C1orf105: variants seen among roughly 807,000 people sequenced by gnomAD.
The protein encoded by C1orf105 is chromosome 1 open reading frame 105, also known as uncharacterized protein C1orf105.
In C1orf105, 17 loss-of-function variants were observed where a neutral mutation model predicts 20.8. The observed-to-expected ratio is 0.82, with a 90% CI of 0.56 to 1.23. C1orf105 has a LOEUF of 1.23. Among genes scored for constraint, C1orf105 ranks in the 50% most tolerant of loss-of-function variants. The pLI, the probability that C1orf105 is intolerant of heterozygous loss-of-function variation, is 0.00. For synonymous variants in C1orf105, 72 were observed against 72.1 expected, an observed-to-expected ratio of 1.00 and a Z score of 0.01; for missense variants, 219 against 213.5, an observed-to-expected ratio of 1.03 and a Z score of -0.16.
chr1:172,446,996 C>T (rs1343423856), intron 2 of C1orf105, among the ~76,000 whole-genome samples: 2 of 152,088 alleles, frequency 1.3e-5, no homozygotes, highest in Admixed American at 6.5e-5. Context: ...CAAAGGTGAC[C>T]GAACAGCACC....
chr1:172,420,799 C>A lies in C1orf105; in HGVS notation c.-87C>A. The A allele has an allele frequency of 2.2e-6, 3 of 1,362,826 alleles. No homozygotes were observed. The highest frequency in any genetic ancestry group is 3.1e-6 in the Non-Finnish European group (3 of 961,238). The allele number at this position is 1,362,826 out of a possible 1,614,324, so 84.4% of individuals were successfully genotyped here. A position where few individuals can be genotyped will look rare whatever the true frequency, so the allele number is the denominator to read the frequency against. ...AAACACTTTGGATTCAGGTTCTCCA[C>A]AGCAGTCTTCCACTGGCCACAGTGA... On this transcript the variant is annotated 5_prime_UTR_variant, in exon 1 of 7. Transcript: ENST00000367727.
intron 3 of C1orf105, among the ~76,000 whole-genome samples, chr1:172,453,611 T>A (rs953415202): frequency 3.9e-5 from 6 of 152,242 alleles, no homozygotes; most frequent in Admixed American, 6.5e-5. Context: ...TGTTGAATAC[T>A]TGCTGTGTGC....
chr1:172,445,940 C>A (rs1647952201), intron 2 of C1orf105, among the ~76,000 whole-genome samples: 1 of 152,146 alleles, frequency 6.6e-6, no homozygotes. Context: ...AAGCCAGACT[C>A]CCCAAAAAGA....
chr1:172,464,161 A>C (rs891915673), intron 5 of C1orf105, among the ~76,000 whole-genome samples: 2 of 152,244 alleles, frequency 1.3e-5, no homozygotes, highest in East Asian at 3.8e-4. Flanking sequence ...GAGGGAGAAA[A>C]GATGCAGGAT....
In C1orf105 at chr1:172,462,222, C is replaced by T. The variant is rs1381264776; in HGVS notation, c.318C>T (p.Ser106=). 6.2e-7 allele frequency: 1 copy of T among 1,609,156 alleles called. No individual in the cohort carries two copies. The highest frequency in any genetic ancestry group is 1.3e-5 in the African/African-American group (1 of 74,706). Residue 106 remains serine, a synonymous_variant, in exon 5 of 7, where the codon TCC becomes TCT. Coordinates refer to ENST00000367727, the MANE Select transcript of C1orf105 (RefSeq NM_139240.4). ...AAATCCCAGATGATCCAAAAGCATC[C>T]TTTGAGAATTGTATGAGTTATAGGT... is the stretch of plus-strand genomic sequence containing the variant. The part of the protein sequence containing the change: ...TMKIPDDPKA[S]FENCMSYRMS...
chr1:172,457,334 G>A (rs1649352600), intron 4 of C1orf105, among the ~76,000 whole-genome samples: 1 of 152,084 alleles, frequency 6.6e-6, no homozygotes, highest in Non-Finnish European at 1.5e-5. Flanking sequence ...GAGGAAGGTG[G>A]GGCTAAATGT....
At chr1:172,462,365 T>C in intron 5 of C1orf105, 120 bp downstream of exon 5, 1 of 697,544 alleles carries the variant, frequency 1.4e-6, no homozygotes, top group Non-Finnish European at 2.3e-6. Context: ...AACAGGCTTC[T>C]TGACTGGTTT....
At chr1:172,461,848 C>T (rs548106601) in intron 4 of C1orf105, among the ~76,000 whole-genome samples, 6 of 152,194 alleles carry the variant, frequency 3.9e-5, no homozygotes, top group Non-Finnish European at 7.4e-5. Context: ...GGAGGACTAC[C>T]GAACAGTAGT....
chr1:172,453,068 T>C, intron 3 of C1orf105: 1 of 1,550,624 alleles, frequency 6.4e-7, no homozygotes, highest in Non-Finnish European at 8.7e-7. Flanking sequence ...AATGTTTGCG[T>C]CGCCTTTAAA....
intron 6 of C1orf105, among the ~76,000 whole-genome samples, chr1:172,467,915 C>T (rs1650176029): frequency 6.6e-6 from 1 of 151,900 alleles, no homozygotes; most frequent in Admixed American, 6.6e-5. Flanking sequence ...TTTAAATAAC[C>T]CTAAAATAAA....
At chr1:172,424,739 G>A (rs1480347154) in intron 1 of C1orf105, among the ~76,000 whole-genome samples, 1 of 152,186 alleles carries the variant, frequency 6.6e-6, no homozygotes, top group African/African-American at 2.4e-5. Flanking sequence ...TGGAGAGCAA[G>A]TTAGAGTCAA....
At chr1:172,434,085 A>G (rs1196731984) in intron 1 of C1orf105, among the ~76,000 whole-genome samples, 1 of 152,236 alleles carries the variant, frequency 6.6e-6, no homozygotes, top group Non-Finnish European at 1.5e-5. Context: ...CCAATAAAGG[A>G]GCACCCAGAT....
chr1:172,422,921 G>A (rs80194698), intron 1 of C1orf105, among the ~76,000 whole-genome samples: 3,252 of 152,266 alleles, frequency 0.021, 44 homozygotes, highest in Non-Finnish European at 0.033. Context: ...GCAGGAAAGG[G>A]TGGGAAGGAC....
At chr1:172,438,634 T>G (rs1431302164) in intron 1 of C1orf105, among the ~76,000 whole-genome samples, 2 of 152,226 alleles carry the variant, frequency 1.3e-5, no homozygotes, top group Non-Finnish European at 2.9e-5. Flanking sequence ...ATAACAATTT[T>G]TAGAATATTA....
At chr1:172,451,451 A>G (rs1648625156) in intron 3 of C1orf105, among the ~76,000 whole-genome samples, 1 of 152,358 alleles carries the variant, frequency 6.6e-6, no homozygotes, top group Non-Finnish European at 1.5e-5. Context: ...TCTCACCACT[A>G]AGAACTCTCT....
chr1:172,420,911 GA>G lies in C1orf105; in HGVS notation c.21+12del. On this transcript the variant is annotated splice_donor_region_variant and intron_variant, in intron 1 of 6. Transcript: ENST00000367727. ...ATGGAAAAAAGAGAACTAAAGGTAG[GA>G]AAAAAATAAATGAAACTTCCAATTC... The G allele has an allele frequency of 2.5e-6, 4 of 1,607,050 alleles. No individual in the cohort carries two copies. The highest frequency in any genetic ancestry group is 3.4e-6 in the Non-Finnish European group (4 of 1,174,414).
intron 6 of C1orf105, among the ~76,000 whole-genome samples, chr1:172,468,095 A>G (rs1447704720): frequency 1.3e-5 from 2 of 152,110 alleles, no homozygotes; most frequent in African/African-American, 4.8e-5. Context: ...TCTTTCACTC[A>G]TATTACAACA....
rs781352019 is a variant in C1orf105, at chr1:172,442,337, C to T, written c.22-2736C>T. On this transcript the variant is annotated intron_variant, in intron 1 of 6. Coordinates refer to ENST00000367727, the MANE Select transcript of C1orf105 (RefSeq NM_139240.4). Reference sequence around the variant, plus strand: ...TCAATGAGATCAAACAAAACATACCCAATCAGTGAAGAAGCCAGACCAGTC... The same window carrying T: ...TCAATGAGATCAAACAAAACATACCTAATCAGTGAAGAAGCCAGACCAGTC... 1.9e-5 allele frequency: 31 copies of T among 1,613,064 alleles called. No homozygotes were observed. Among genetic ancestry groups the T allele is most frequent in the Non-Finnish European group, 2.6e-5 (31 of 1,180,032 alleles).
chr1:172,447,240 GA>G (rs1558136283), intron 2 of C1orf105, among the ~76,000 whole-genome samples: 1 of 152,248 alleles, frequency 6.6e-6, no homozygotes. Flanking sequence ...AGAACAGTCT[GA>G]AAAAAGATAA....
Sources: gnomAD v4.1 joint callset for allele counts (sites outside exome capture counted in the v4.1 genomes callset) on GRCh38, gnomAD v4.1.1 for gene constraint, MANE v1.5 for transcripts, NCBI Gene and HGNC (gene_info 2026-07-23, HGNC 2026-07-21) for gene names.